ACTN1: variants seen among roughly 807,000 people sequenced by gnomAD.
ACTN1 encodes alpha-actinin-1.
In ACTN1, 30 loss-of-function variants were observed where a neutral mutation model predicts 119.6. That is an observed-to-expected ratio of 0.25 (90% CI 0.19 to 0.34). ACTN1 has a LOEUF of 0.34. ACTN1 is among the 10% of genes least tolerant of loss of function. ACTN1 has a pLI of 1.00. For missense variants in ACTN1, 764 were observed against 1,223.4 expected, an observed-to-expected ratio of 0.62 and a Z score of 5.60; for synonymous variants, 429 against 472.6, an observed-to-expected ratio of 0.91 and a Z score of 1.20.
intron 1 of ACTN1, among the ~76,000 whole-genome samples, chr14:68,963,517 G>A (rs1291052839): frequency 1.3e-5 from 2 of 152,218 alleles, no homozygotes; most frequent in East Asian, 3.8e-4. Flanking sequence ...GCTGGCTGCA[G>A]TGCCTTCTGC....
chr14:68,928,007 C>A (rs1428786515), intron 1 of ACTN1, among the ~76,000 whole-genome samples: 2 of 152,102 alleles, frequency 1.3e-5, no homozygotes, highest in East Asian at 3.9e-4. Flanking sequence ...CTAAGGTTTT[C>A]TATTTCCTTG....
At chr14:68,915,601 A>G (rs1456734048) in intron 3 of ACTN1, among the ~76,000 whole-genome samples, 2 of 152,362 alleles carry the variant, frequency 1.3e-5, no homozygotes, top group Middle Eastern at 3.4e-3. Context: ...TGAGTGAACA[A>G]ACACTAACCA....
At chr14:68,933,621 G>C (rs2035339645) in intron 1 of ACTN1, among the ~76,000 whole-genome samples, 1 of 152,170 alleles carries the variant, frequency 6.6e-6, no homozygotes, top group Non-Finnish European at 1.5e-5. Flanking sequence ...GGCAGAAGCA[G>C]CTCCTCTGTG....
chr14:68,878,392 A>G lies in ACTN1; in HGVS notation c.2427+66T>C. On this transcript the variant is annotated intron_variant, in intron 20 of 21. Transcript: ENST00000394419. This position sits in a 1 kb window ranked among gnomAD's most constrained non-coding sequence, Gnocchi z 4.4. ...GGGCCTCCAGCCTGCCACTCCTGGG[A>G]CTTGGCTGCTCCCGCCAGCTGGCTG... 1 of 1,512,228 alleles carries G rather than the reference A, an allele frequency of 6.6e-7. No homozygotes were observed. Among genetic ancestry groups the G allele is most frequent in the Non-Finnish European group, 8.8e-7 (1 of 1,132,612 alleles). 93.7% of individuals were successfully genotyped at this position (1,512,228 alleles called of 1,614,324 possible). A position where few individuals can be genotyped will look rare whatever the true frequency, so the allele number is the denominator to read the frequency against.
At chr14:68,943,678 C>A (rs947335660) in intron 1 of ACTN1, among the ~76,000 whole-genome samples, 4 of 152,164 alleles carry the variant, frequency 2.6e-5, no homozygotes, top group Non-Finnish European at 5.9e-5. Flanking sequence ...AAGATGTTGG[C>A]TACCATTATA....
chr14:68,884,308 G>T lies in ACTN1; in HGVS notation c.1495C>A (p.Arg499=). 4 of 1,613,620 alleles carry T rather than the reference G, an allele frequency of 2.5e-6. No individual in the cohort carries two copies. Among genetic ancestry groups the T allele is most frequent in the Non-Finnish European group, 3.4e-6 (4 of 1,179,674 alleles). The change falls in exon 14 of 22, where the codon CGG becomes AGG. Residue 499 remains arginine, a splice_region_variant and synonymous_variant. Transcript: ENST00000394419. ...ATGGTCTCCAGCAGTTTCTCGGTCC[G>T]CTGGGAGTGCCAAATAGGGTAAGGG... ...LTQKRREALE[R]TEKLLETIDQ... is the part of the protein sequence containing the mutation.
chr14:68,937,443 TGA>T (rs1276149427), intron 1 of ACTN1, among the ~76,000 whole-genome samples: 1 of 152,044 alleles, frequency 6.6e-6, no homozygotes, highest in African/African-American at 2.4e-5. Flanking sequence ...TTTAAAAGAA[TGA>T]GTTTGAGAAT....
intron 1 of ACTN1, among the ~76,000 whole-genome samples, chr14:68,972,692 A>T (rs1445640540): frequency 6.6e-6 from 1 of 152,200 alleles, no homozygotes; most frequent in East Asian, 1.9e-4. Context: ...TAAGCGGCAG[A>T]GCAAAGTTGA....
At chr14:68,886,859 A>G (rs1425389564) in intron 11 of ACTN1, 1 of 151,796 alleles carries the variant, frequency 6.6e-6, no homozygotes, top group Non-Finnish European at 1.5e-5. Flanking sequence ...CTTCTCATGT[A>G]GACGTCTGCA....
intron 1 of ACTN1, among the ~76,000 whole-genome samples, chr14:68,968,162 G>A (rs1245398099): frequency 6.6e-6 from 1 of 152,196 alleles, no homozygotes; most frequent in Non-Finnish European, 1.5e-5. Context: ...CGTGTGGGTG[G>A]AAAGAGAGTA....
intron 8 of ACTN1, among the ~76,000 whole-genome samples, chr14:68,901,134 C>T (rs1310841171): frequency 6.7e-6 from 1 of 149,860 alleles, no homozygotes; most frequent in African/African-American, 2.5e-5. Flanking sequence ...TGAGCAGAGT[C>T]TGAGGCAGGG....
chr14:68,909,424 G>A lies in ACTN1; in HGVS notation c.516-28C>T. 3.1e-6 allele frequency: 5 copies of A among 1,612,526 alleles called. No homozygotes were observed. The highest frequency in any genetic ancestry group is 1.7e-5 in the Admixed American group (1 of 59,988). On this transcript the variant is annotated intron_variant, in intron 5 of 21. Transcript: ENST00000394419. The surrounding 1 kb of genome is among the most constrained non-coding windows in gnomAD (Gnocchi z 4.1). ...GCCCGGGGAGAGAGAAGAAGGAGCA[G>A]GCTGGTAAATGAGGCTGAACAAACG...
At chr14:68,953,761 C>T (rs540520475) in intron 1 of ACTN1, among the ~76,000 whole-genome samples, 2 of 151,978 alleles carry the variant, frequency 1.3e-5, no homozygotes, top group South Asian at 4.2e-4. Flanking sequence ...GTGGCATGCG[C>T]CTGTACTCCC....
At chr14:68,949,490 G>A (rs2036058653) in intron 1 of ACTN1, among the ~76,000 whole-genome samples, 1 of 152,234 alleles carries the variant, frequency 6.6e-6, no homozygotes, top group Non-Finnish European at 1.5e-5. Context: ...CTGGCAGGGG[G>A]AAGGGGTGGT....
At position 68,874,184 on chromosome 14, in the gene ACTN1, C is replaced by G. The variant is rs950520838; in HGVS notation, c.*675G>C. ...CCAAGCAATATCAAAGTTGTCCATACTCTCCAAGTTTGTCCTATTTTTAAT... is the reference window on the plus strand; with the variant it reads ...CCAAGCAATATCAAAGTTGTCCATAGTCTCCAAGTTTGTCCTATTTTTAAT... On this transcript the variant is annotated 3_prime_UTR_variant, in exon 22 of 22. Transcript: ENST00000394419. The G allele has an allele frequency of 7.9e-5, 12 of 152,326 alleles. No individual in the cohort carries two copies. Among genetic ancestry groups the G allele is most frequent in the Admixed American group, 1.3e-4 (2 of 15,288 alleles). The allele number at this position is 152,326 out of a possible 1,614,324, so 9.4% of individuals were successfully genotyped here. A position where few individuals can be genotyped will look rare whatever the true frequency, so the allele number is the denominator to read the frequency against.
chr14:68,931,744 C>A (rs997773074), intron 1 of ACTN1, among the ~76,000 whole-genome samples: 1 of 152,186 alleles, frequency 6.6e-6, no homozygotes, highest in African/African-American at 2.4e-5. Context: ...GAATCACCCA[C>A]ACACAGGCTC....
At chr14:68,905,657 T>C (rs1301939725) in intron 6 of ACTN1, among the ~76,000 whole-genome samples, 1 of 152,154 alleles carries the variant, frequency 6.6e-6, no homozygotes, top group African/African-American at 2.4e-5. Flanking sequence ...GCAACATGGA[T>C]GAACTCTTAG....
intron 1 of ACTN1, among the ~76,000 whole-genome samples, chr14:68,967,885 A>G (rs1033827419): frequency 2.0e-4 from 31 of 152,252 alleles, no homozygotes; most frequent in Non-Finnish European, 2.6e-4. Flanking sequence ...CTTGTCTTGC[A>G]GAGCACAGCC....
chr14:68,920,760 C>T (rs1326444002), intron 3 of ACTN1, among the ~76,000 whole-genome samples: 7 of 152,162 alleles, frequency 4.6e-5, no homozygotes, highest in Non-Finnish European at 1.0e-4. Context: ...AGAGCAAGGA[C>T]GTGGCTAAGC....
Sources: allele counts gnomAD v4.1 joint callset (sites outside exome capture counted in the v4.1 genomes callset), GRCh38; gene constraint gnomAD v4.1.1; non-coding constraint Gnocchi (gnomAD v3.1); transcripts MANE v1.5; gene names NCBI Gene and HGNC (gene_info 2026-07-23, HGNC 2026-07-21).